The following LDB2 variants were observed in gnomAD, a reference collection of about 807,000 sequenced individuals.
LDB2 encodes LIM domain-binding protein 2.
A neutral mutation model predicts 44.3 loss-of-function variants in LDB2; 12 were observed. That is an observed-to-expected ratio of 0.27 (90% CI 0.17 to 0.44). The LOEUF (loss-of-function observed/expected upper bound fraction) is 0.44, where lower values mean the gene tolerates loss of function less well. Among genes scored for constraint, LDB2 ranks in the 20% least tolerant of loss-of-function variants. The pLI is 1.00. For synonymous variants in LDB2, 164 were observed against 174.8 expected, an observed-to-expected ratio of 0.94 and a Z score of 0.49; for missense variants, 344 against 473.5, an observed-to-expected ratio of 0.73 and a Z score of 2.54.
At chr4:16,669,208 T>C (rs1457486256) in intron 2 of LDB2, among the ~76,000 whole-genome samples, 1 of 152,216 alleles carries the variant, frequency 6.6e-6, no homozygotes, top group Non-Finnish European at 1.5e-5. Context: ...GATTATGTAA[T>C]TTGACCATGA....
intron 5 of LDB2, among the ~76,000 whole-genome samples, chr4:16,546,339 G>A (rs575551582): frequency 6.6e-6 from 1 of 152,242 alleles, no homozygotes; most frequent in African/African-American, 2.4e-5. Flanking sequence ...ATGTGAATTG[G>A]CCCCCTACCA....
At chr4:16,842,563 C>T (rs1004929665) in intron 1 of LDB2, among the ~76,000 whole-genome samples, 6 of 152,130 alleles carry the variant, frequency 3.9e-5, no homozygotes, top group Admixed American at 3.9e-4. Context: ...ATTTTGAATA[C>T]ACCCCATGAG....
intron 1 of LDB2, among the ~76,000 whole-genome samples, chr4:16,787,607 C>A (rs558550689): frequency 1.4e-3 from 211 of 152,130 alleles, no homozygotes; most frequent in African/African-American, 4.9e-3. Context: ...GAGTGAAACT[C>A]CATCTCAGAA....
At chr4:16,519,699 C>A (rs1725253629) in intron 5 of LDB2, among the ~76,000 whole-genome samples, 1 of 151,040 alleles carries the variant, frequency 6.6e-6, no homozygotes, top group Non-Finnish European at 1.5e-5. Context: ...CAGCCATTAT[C>A]TAGCTATGTG....
At chr4:16,609,053 G>A (rs961911372) in intron 2 of LDB2, among the ~76,000 whole-genome samples, 1 of 152,150 alleles carries the variant, frequency 6.6e-6, no homozygotes, top group African/African-American at 2.4e-5. Context: ...AGGTATCCAT[G>A]TTCTCTCATC....
chr4:16,668,965 C>A (rs1026144469), intron 2 of LDB2, among the ~76,000 whole-genome samples: 2 of 152,150 alleles, frequency 1.3e-5, no homozygotes, highest in African/African-American at 4.8e-5. Flanking sequence ...GGTTCCCACT[C>A]GTCTAACTTG....
chr4:16,835,586 G>A (rs760233733), intron 1 of LDB2, among the ~76,000 whole-genome samples: 20 of 152,218 alleles, frequency 1.3e-4, no homozygotes, highest in Non-Finnish European at 2.5e-4. Flanking sequence ...TGTCCCTGTA[G>A]ATATAAGTTT....
intron 2 of LDB2, among the ~76,000 whole-genome samples, chr4:16,637,480 A>G (rs1480127439): frequency 6.6e-6 from 1 of 152,054 alleles, no homozygotes; most frequent in East Asian, 1.9e-4. Flanking sequence ...GTCTTTACGG[A>G]GTACCCACTC....
intron 5 of LDB2, among the ~76,000 whole-genome samples, chr4:16,517,088 G>A (rs1294457083): frequency 6.6e-6 from 1 of 152,214 alleles, no homozygotes; most frequent in African/African-American, 2.4e-5. Flanking sequence ...TCAGGAAGCA[G>A]GTTTGGGGAG....
At chr4:16,720,827 C>T (rs951388933) in intron 2 of LDB2, among the ~76,000 whole-genome samples, 25 of 152,230 alleles carry the variant, frequency 1.6e-4, no homozygotes, top group Admixed American at 7.2e-4. Context: ...TCTTTAAAAT[C>T]GTTATCTTAT....
chr4:16,746,400 T>A lies in LDB2; in HGVS notation c.235+12758A>T, dbSNP rs183599658. Among the ~76,000 whole-genome samples, 49 of 152,350 alleles carry A rather than the reference T, an allele frequency of 3.2e-4. No homozygotes were observed. The East Asian group carries it at 6.9e-3, about 22-fold the overall frequency. ...AATTCAAATCTGTATCTGTCTCTTT[T>A]TAGCCAAAGCCACGGCTAATATTGG... On this transcript the variant is annotated intron_variant, in intron 2 of 7. Transcript: ENST00000304523.
intron 1 of LDB2, among the ~76,000 whole-genome samples, chr4:16,759,814 T>G (rs1415990334): frequency 1.3e-5 from 2 of 152,144 alleles, no homozygotes; most frequent in Admixed American, 6.5e-5. Context: ...GTCACATATA[T>G]ATGGACTGTT....
At position 16,582,136 on chromosome 4, in the gene LDB2, T is replaced by G. The variant is rs1242129741; in HGVS notation, c.615+3786A>C. On this transcript the variant is annotated intron_variant, in intron 5 of 7. Coordinates refer to ENST00000304523, the MANE Select transcript of LDB2 (RefSeq NM_001290.5). The surrounding 1 kb of genome is among the most constrained non-coding windows in gnomAD (Gnocchi z 4.8). ...CAGAAATGTTAGCTAGTGCTATGTT[T>G]CTCACTGCACCTGGGAGCAATTTCT... 2.6e-5 allele frequency among the ~76,000 whole-genome samples: 4 copies of G among 152,216 alleles called. No individual in the cohort carries two copies. Among genetic ancestry groups the G allele is most frequent in the African/African-American group, 9.7e-5 (4 of 41,450 alleles).
intron 2 of LDB2, among the ~76,000 whole-genome samples, chr4:16,732,962 C>T (rs1761069374): frequency 6.6e-6 from 1 of 152,194 alleles, no homozygotes; most frequent in South Asian, 2.1e-4. Flanking sequence ...TAGGGATGTT[C>T]ACAACCTGCT....
At chr4:16,784,678 G>A (rs1326598070) in intron 1 of LDB2, among the ~76,000 whole-genome samples, 2 of 152,144 alleles carry the variant, frequency 1.3e-5, no homozygotes, top group Non-Finnish European at 2.9e-5. Context: ...TTTATCTGGA[G>A]AAGAAAGTTC....
At position 16,673,463 on chromosome 4, in the gene LDB2, C is replaced by T. The variant is rs6826563; in HGVS notation, c.236-77588G>A. On this transcript the variant is annotated intron_variant, in intron 2 of 7. Transcript: ENST00000304523. ...GTGTCGCTTTTGAAACGGGTCACAACGCGGAAAAGGCTTAGGTCTTCTCAC... is the reference window on the plus strand; with the variant it reads ...GTGTCGCTTTTGAAACGGGTCACAATGCGGAAAAGGCTTAGGTCTTCTCAC... 3.3e-3 allele frequency among the ~76,000 whole-genome samples: 495 copies of T among 152,262 alleles called. 5 individuals are homozygous for T. Among genetic ancestry groups the T allele is most frequent in the African/African-American group, 0.011 (475 of 41,562 alleles).
At chr4:16,795,715 C>T (rs1776607421) in intron 1 of LDB2, among the ~76,000 whole-genome samples, 1 of 152,084 alleles carries the variant, frequency 6.6e-6, no homozygotes, top group Non-Finnish European at 1.5e-5. Context: ...CACTAGACTC[C>T]GAATCCCTTG....
chr4:16,839,013 G>T (rs1161557460), intron 1 of LDB2, among the ~76,000 whole-genome samples: 1 of 152,196 alleles, frequency 6.6e-6, no homozygotes, highest in Non-Finnish European at 1.5e-5. Context: ...AGCATATTCT[G>T]CAGAAGCAGG....
chr4:16,748,462 T>C (rs781380082), intron 2 of LDB2, among the ~76,000 whole-genome samples: 3 of 152,230 alleles, frequency 2.0e-5, no homozygotes, highest in Non-Finnish European at 4.4e-5. Flanking sequence ...AAACATACCC[T>C]GATGGGTAAT....
Sources: gnomAD v4.1 joint callset for allele counts (sites outside exome capture counted in the v4.1 genomes callset) on GRCh38, gnomAD v4.1.1 for gene constraint, Gnocchi (gnomAD v3.1) non-coding constraint, MANE v1.5 for transcripts, NCBI Gene and HGNC (gene_info 2026-07-23, HGNC 2026-07-21) for gene names.